Variants in ARFGAP3 observed in about 807,000 individuals in gnomAD.
ARFGAP3 encodes the protein ADP-ribosylation factor GTPase-activating protein 3.
A neutral mutation model predicts 75.0 loss-of-function variants in ARFGAP3; 72 were observed. The observed-to-expected ratio is 0.96, with a 90% CI of 0.79 to 1.17. The LOEUF is 1.17. Ranked by LOEUF, ARFGAP3 falls within the 50% of genes most tolerant of loss-of-function variation. ARFGAP3 has a pLI of 0.00. For synonymous variants in ARFGAP3, 221 were observed against 217.9 expected (o/e 1.01, Z -0.13); for missense variants, 620 against 626.6 (o/e 0.99, Z 0.11).
intron 9 of ARFGAP3, among the ~76,000 whole-genome samples, chr22:42,820,456 C>T (rs1284944542): frequency 6.6e-6 from 1 of 152,148 alleles, no homozygotes; most frequent in African/African-American, 2.4e-5. Flanking sequence ...CTTAGCGAAC[C>T]GTCAGTATGA....
chr22:42,823,131 A>G (rs924179850), intron 8 of ARFGAP3, among the ~76,000 whole-genome samples: 12 of 151,328 alleles, frequency 7.9e-5, no homozygotes, highest in Non-Finnish European at 1.3e-4. Flanking sequence ...TTTCCCCCCC[A>G]AATAATTTTG....
At position 42,799,126 on chromosome 22, in the gene ARFGAP3, G is replaced by A. The variant is rs201660261; in HGVS notation, c.1446C>T (p.Ala482=). 89 of 1,614,040 alleles carry A rather than the reference G, an allele frequency of 5.5e-5. No homozygotes were observed. Among genetic ancestry groups the A allele is most frequent in the Admixed American group, 1.0e-4 (6 of 59,996 alleles). ...NYSLSSVLPN[A]PDMAQFKQGV... The stretch of plus-strand genomic sequence containing the variant: ...CCTGCTTGAACTGCGCCATGTCGGG[G>A]GCGTTGGGCAGCACACTGGACAGGC... The change falls in exon 15 of 16, where the codon GCC becomes GCT. Residue 482 remains alanine (A), a synonymous_variant. Coordinates refer to ENST00000263245, the MANE Select transcript of ARFGAP3 (RefSeq NM_014570.5).
intron 1 of ARFGAP3, 45 bp downstream of exon 1, chr22:42,857,069 C>T (rs1252142797): frequency 2.0e-6 from 3 of 1,476,170 alleles, no homozygotes; most frequent in Non-Finnish European, 1.8e-6. Flanking sequence ...CCCGCCGGTT[C>T]CCGCAGGGAT....
intron 2 of ARFGAP3, among the ~76,000 whole-genome samples, chr22:42,844,109 A>G (rs923895178): frequency 3.3e-5 from 5 of 152,176 alleles, no homozygotes; most frequent in Non-Finnish European, 7.4e-5. Flanking sequence ...AGAAGAGGGG[A>G]AAAGTATTCT....
chr22:42,817,638 CTA>C (rs1925636266), intron 10 of ARFGAP3, 89 bp downstream of exon 10: 1 of 1,078,632 alleles, frequency 9.3e-7, no homozygotes, highest in Non-Finnish European at 1.3e-6. Flanking sequence ...AAAAAAATCT[CTA>C]AAGTTGAAAC....
intron 6 of ARFGAP3, among the ~76,000 whole-genome samples, chr22:42,830,396 T>G (rs1292118447): frequency 3.9e-5 from 6 of 152,156 alleles, no homozygotes; most frequent in African/African-American, 1.4e-4. Context: ...TCCAGCAAAA[T>G]CCTTGCCAGA....
At chr22:42,840,477 T>C (rs1027274402) in intron 3 of ARFGAP3, among the ~76,000 whole-genome samples, 24 of 151,968 alleles carry the variant, frequency 1.6e-4, no homozygotes, top group Non-Finnish European at 3.4e-4. Flanking sequence ...AGTGCAGTGG[T>C]GTGATCTCGG....
At position 42,826,256 on chromosome 22, in the gene ARFGAP3, T is replaced by A. The variant is rs186457041; in HGVS notation, c.625+684A>T. 5.9e-3 allele frequency among the ~76,000 whole-genome samples: 891 copies of A among 152,208 alleles called. 6 individuals are homozygous for A. Among genetic ancestry groups the A allele is most frequent in the Middle Eastern group, 0.01 (3 of 294 alleles). On this transcript the variant is annotated intron_variant, in intron 7 of 15. Coordinates refer to ENST00000263245, the MANE Select transcript of ARFGAP3 (RefSeq NM_014570.5). Reference sequence around the variant, plus strand: ...AAAATCAGAAAGAGAAGAAAATGAGTTCTTGAGTAAAAAGGAATGGTGTAG... The same window carrying A: ...AAAATCAGAAAGAGAAGAAAATGAGATCTTGAGTAAAAAGGAATGGTGTAG...
At position 42,807,926 on chromosome 22, in the gene ARFGAP3, G is replaced by C. The variant is rs1194348149; in HGVS notation, c.1321-763C>G. ...TACCGAGCTAATTTTTGTATTTTTT[G>C]TAGAGACGGAGTTTCATCATGTTGG... On this transcript the variant is annotated intron_variant, in intron 13 of 15. Transcript: ENST00000263245. Among the ~76,000 whole-genome samples, 10 of 149,796 alleles carry C rather than the reference G, an allele frequency of 6.7e-5. No individual in the cohort carries two copies. The East Asian group carries it at 2.0e-3, about 30-fold the overall frequency.
intron 14 of ARFGAP3, 61 bp from the exon 15 acceptor site, chr22:42,799,221 G>C: frequency 6.3e-7 from 1 of 1,595,130 alleles, no homozygotes; most frequent in South Asian, 1.1e-5. Flanking sequence ...GGCAAACCCA[G>C]TACCCAGAGT....
chr22:42,846,279 T>G (rs2146582784), intron 2 of ARFGAP3, among the ~76,000 whole-genome samples: 1 of 152,320 alleles, frequency 6.6e-6, no homozygotes, highest in South Asian at 2.1e-4. Context: ...CATGGCTGTT[T>G]GAGGGTGCTC....
At position 42,835,443 on chromosome 22, in the gene ARFGAP3, C is replaced by T; in HGVS notation, c.312G>A (p.Lys104=). Residue 104 remains lysine, a synonymous_variant, in exon 4 of 16, where the codon AAG becomes AAA. Coordinates refer to ENST00000263245, the MANE Select transcript of ARFGAP3 (RefSeq NM_014570.5). ...AGAGCTGAGCAGCACGACTGTTGTA[C>T]TTGGCATTGGTGTCATTGGTGGAAC... is the stretch of plus-strand genomic sequence containing the variant. The part of the protein sequence containing the change: ...HGCSTNDTNA[K]YNSRAAQLYR... 2.5e-6 allele frequency: 4 copies of T among 1,614,122 alleles called. No homozygotes were observed. Among genetic ancestry groups the T allele is most frequent in the South Asian group, 1.1e-5 (1 of 91,084 alleles).
chr22:42,845,047 G>C (rs1321492921), intron 2 of ARFGAP3, among the ~76,000 whole-genome samples: 4 of 152,144 alleles, frequency 2.6e-5, no homozygotes, highest in Admixed American at 6.6e-5. Flanking sequence ...GCTTAAACTG[G>C]AAGTATTCTT....
At chr22:42,835,621 A>G in intron 3 of ARFGAP3, 128 bp from the exon 4 acceptor site, 1 of 1,017,260 alleles carries the variant, frequency 9.8e-7, no homozygotes, top group Non-Finnish European at 1.4e-6. Context: ...GGAGATCAGT[A>G]CCATCCTGGC....
intron 7 of ARFGAP3, among the ~76,000 whole-genome samples, chr22:42,825,561 G>A (rs1366116353): frequency 6.6e-6 from 1 of 151,916 alleles, no homozygotes; most frequent in Non-Finnish European, 1.5e-5. Context: ...TGTAATCCCA[G>A]CTACTTGGGA....
At chr22:42,806,463 A>G (rs1925128096) in intron 14 of ARFGAP3, among the ~76,000 whole-genome samples, 1 of 152,226 alleles carries the variant, frequency 6.6e-6, no homozygotes, top group African/African-American at 2.4e-5. Context: ...GAAGAGGGAT[A>G]TGGGAGACAG....
chr22:42,819,765 C>A (rs1030588365), intron 9 of ARFGAP3, among the ~76,000 whole-genome samples: 1 of 152,180 alleles, frequency 6.6e-6, no homozygotes, highest in African/African-American at 2.4e-5. Flanking sequence ...GCCGAAATAA[C>A]TTTATTTACA....
intron 7 of ARFGAP3, among the ~76,000 whole-genome samples, chr22:42,824,019 A>G (rs991186782): frequency 3.6e-5 from 5 of 140,384 alleles, no homozygotes; most frequent in Non-Finnish European, 7.7e-5. Context: ...TTTAAAAAAT[A>G]TATTACAACA....
intron 1 of ARFGAP3, among the ~76,000 whole-genome samples, chr22:42,854,123 A>T (rs1602139221): frequency 1.3e-5 from 2 of 152,156 alleles, no homozygotes; most frequent in Non-Finnish European, 1.5e-5. Flanking sequence ...AAAACATACC[A>T]CCTGCCGTCC....
Sources: allele counts gnomAD v4.1 joint callset (sites outside exome capture counted in the v4.1 genomes callset), GRCh38; gene constraint gnomAD v4.1.1; transcripts MANE v1.5; gene names NCBI Gene and HGNC (gene_info 2026-07-23, HGNC 2026-07-21).